The following ZMAT4 variants were observed in gnomAD, a reference collection of about 807,000 sequenced individuals.
ZMAT4 encodes zinc finger matrin-type 4, also known as zinc finger matrin-type protein 4.
In ZMAT4, 17 loss-of-function variants were observed where a neutral mutation model predicts 28.7. That is an observed-to-expected ratio of 0.59 (90% CI 0.41 to 0.89). The LOEUF is 0.89. Among genes scored for constraint, ZMAT4 ranks in the 40% least tolerant of loss-of-function variants. The pLI, the probability that ZMAT4 is intolerant of heterozygous loss-of-function variation, is 0.00. For synonymous variants in ZMAT4, 117 were observed against 109.2 expected (o/e 1.07, Z -0.44); for missense variants, 240 against 283.8 (o/e 0.85, Z 1.11).
At chr8:40,709,146 A>G (rs916823940) in intron 3 of ZMAT4, among the ~76,000 whole-genome samples, 9 of 152,178 alleles carry the variant, frequency 5.9e-5, no homozygotes, top group African/African-American at 1.7e-4. Flanking sequence ...TAGACTTTAA[A>G]TCATCCCTGC....
rs561854563 is a variant in ZMAT4 at position 40,548,301 on chromosome 8, CAG to C, written c.675-16065_675-16064del. 1.8e-3 allele frequency among the ~76,000 whole-genome samples: 278 copies of C among 151,766 alleles called. 3 individuals carry two copies. The highest frequency in any genetic ancestry group is 6.3e-3 in the African/African-American group (259 of 41,378). On this transcript the variant is annotated intron_variant, in intron 6 of 6. Transcript: ENST00000297737. Reference sequence around the variant, plus strand: ...GCATTAAAAGAAGATTAAAAAAAAACAGAGAAGGAGGAGGAAGAAGAGGAAGG... The same window carrying C: ...GCATTAAAAGAAGATTAAAAAAAAACAGAAGGAGGAGGAAGAAGAGGAAGG...
At chr8:40,825,197 CT>C (rs1815987344) in intron 2 of ZMAT4, among the ~76,000 whole-genome samples, 1 of 152,130 alleles carries the variant, frequency 6.6e-6, no homozygotes, top group Non-Finnish European at 1.5e-5. Flanking sequence ...GTCTTCTGAG[CT>C]TATCTTTGGG....
At chr8:40,699,031 C>T (rs1300474765) in intron 3 of ZMAT4, among the ~76,000 whole-genome samples, 1 of 152,108 alleles carries the variant, frequency 6.6e-6, no homozygotes, top group Admixed American at 6.6e-5. Flanking sequence ...AGTACGAATA[C>T]TTTTAGTTCT....
intron 1 of ZMAT4, among the ~76,000 whole-genome samples, chr8:40,881,598 GA>G (rs60545065): frequency 0.2 from 17,044 of 86,260 alleles, 1,941 homozygotes; most frequent in African/African-American, 0.22. Context: ...AAGAAAGAAA[GA>G]AAAGAAAAGA....
intron 6 of ZMAT4, among the ~76,000 whole-genome samples, chr8:40,541,486 T>C (rs1461795253): frequency 1.3e-5 from 2 of 152,312 alleles, no homozygotes; most frequent in East Asian, 3.9e-4. Flanking sequence ...AAATATAAAA[T>C]AATTAAAATT....
At chr8:40,546,019 C>A (rs1286201065) in intron 6 of ZMAT4, among the ~76,000 whole-genome samples, 3 of 150,996 alleles carry the variant, frequency 2.0e-5, no homozygotes, top group African/African-American at 7.3e-5. Flanking sequence ...CTGTTCTGAT[C>A]ACAAAGGAAG....
chr8:40,636,892 A>T (rs1388490598), intron 5 of ZMAT4, among the ~76,000 whole-genome samples: 1 of 152,176 alleles, frequency 6.6e-6, no homozygotes, highest in African/African-American at 2.4e-5. Context: ...TTTTTAAAGA[A>T]CACCTCCCTC....
intron 3 of ZMAT4, among the ~76,000 whole-genome samples, chr8:40,728,067 A>G (rs148991802): frequency 6.6e-6 from 1 of 152,306 alleles, no homozygotes; most frequent in African/African-American, 2.4e-5. Context: ...CGCAAATCAT[A>G]TGTTCCTGGA....
chr8:40,862,642 T>TA (rs1459818681), intron 1 of ZMAT4, among the ~76,000 whole-genome samples: 2 of 122,612 alleles, frequency 1.6e-5, no homozygotes, highest in African/African-American at 6.3e-5. Flanking sequence ...TATGCAGCCA[T>TA]AAAAAAGGAT....
intron 1 of ZMAT4, among the ~76,000 whole-genome samples, chr8:40,872,527 T>G (rs1437664206): frequency 6.6e-6 from 1 of 152,076 alleles, no homozygotes; most frequent in Non-Finnish European, 1.5e-5. Flanking sequence ...CAGGCACCTG[T>G]CCTCTCTGCC....
At chr8:40,831,388 G>A (rs1488694796) in intron 1 of ZMAT4, among the ~76,000 whole-genome samples, 1 of 152,154 alleles carries the variant, frequency 6.6e-6, no homozygotes, top group Non-Finnish European at 1.5e-5. Flanking sequence ...TGCTTCCCAG[G>A]GGGATGCAAA....
intron 6 of ZMAT4, among the ~76,000 whole-genome samples, chr8:40,564,800 G>A (rs910438601): frequency 6.6e-6 from 1 of 152,116 alleles, no homozygotes; most frequent in Non-Finnish European, 1.5e-5. Context: ...AGAAAAGAAA[G>A]ACCATTAATT....
chr8:40,532,025 C>A lies in ZMAT4; in HGVS notation c.*198G>T, dbSNP rs1430869405. 9.7e-6 allele frequency: 4 copies of A among 412,914 alleles called. No homozygotes were observed. The highest frequency in any genetic ancestry group is 6.2e-4 in the Middle Eastern group (1 of 1,614). 25.6% of individuals were successfully genotyped at this position (412,914 alleles called of 1,614,324 possible). ...AATCCATCCAAATATCATAACTTAC[C>A]CCAAAATTAAAAAAAGGAAAAAGAA... is the stretch of plus-strand genomic sequence containing the variant. On this transcript the variant is annotated 3_prime_UTR_variant, in exon 7 of 7. Coordinates refer to ENST00000297737, the MANE Select transcript of ZMAT4 (RefSeq NM_024645.3).
rs567821115 is a variant in ZMAT4, at chr8:40,582,263, G to A, written c.578-1002C>T. Among the ~76,000 whole-genome samples, 91 of 152,296 alleles carry A rather than the reference G, an allele frequency of 6.0e-4. 2 individuals carry two copies. In the Middle Eastern group the frequency reaches 0.01, roughly 17 times the overall value. On this transcript the variant is annotated intron_variant, in intron 5 of 6. Transcript: ENST00000297737. ...GGCCCGTAATCCCAATGATTTGGGAGGCCGAGGCAGGAGGATAGCTTAAAG... is the reference window on the plus strand; with the variant it reads ...GGCCCGTAATCCCAATGATTTGGGAAGCCGAGGCAGGAGGATAGCTTAAAG...
chr8:40,741,796 C>G (rs371701288), intron 3 of ZMAT4, among the ~76,000 whole-genome samples: 1 of 151,478 alleles, frequency 6.6e-6, no homozygotes, highest in Non-Finnish European at 1.5e-5. Flanking sequence ...AAAATAATAG[C>G]GAAAAGTTGG....
At chr8:40,853,837 A>G (rs1817203117) in intron 1 of ZMAT4, among the ~76,000 whole-genome samples, 1 of 152,208 alleles carries the variant, frequency 6.6e-6, no homozygotes, top group Non-Finnish European at 1.5e-5. Context: ...GAACCTGTGA[A>G]AGTGTCTGTA....
At chr8:40,865,814 G>C (rs1817660138) in intron 1 of ZMAT4, among the ~76,000 whole-genome samples, 1 of 152,144 alleles carries the variant, frequency 6.6e-6, no homozygotes, top group South Asian at 2.1e-4. Flanking sequence ...GGGCCCTAAG[G>C]GACATTCTTT....
At chr8:40,560,042 G>C (rs1182473715) in intron 6 of ZMAT4, among the ~76,000 whole-genome samples, 1 of 152,160 alleles carries the variant, frequency 6.6e-6, no homozygotes, top group South Asian at 2.1e-4. Flanking sequence ...CCTGAGGTCT[G>C]TTCCACTCTC....
At chr8:40,667,195 G>A (rs766557607) in intron 5 of ZMAT4, among the ~76,000 whole-genome samples, 26 of 149,660 alleles carry the variant, frequency 1.7e-4, no homozygotes, top group African/African-American at 4.2e-4. Context: ...TCGCTCTGTC[G>A]CCTAGGCTGG....
Sources: gnomAD v4.1 joint callset for allele counts (sites outside exome capture counted in the v4.1 genomes callset) on GRCh38, gnomAD v4.1.1 for gene constraint, MANE v1.5 for transcripts, NCBI Gene and HGNC (gene_info 2026-07-23, HGNC 2026-07-21) for gene names.